TTC27: variants seen among roughly 807,000 people sequenced by gnomAD.
TTC27 encodes tetratricopeptide repeat domain 27.
Under a neutral mutation model 115.9 loss-of-function variants are expected in TTC27, and 79 were observed. The ratio of observed to expected loss-of-function variants is 0.68; its 90% CI spans 0.57 to 0.82. The LOEUF (loss-of-function observed/expected upper bound fraction) is 0.82. Ranked by LOEUF, TTC27 falls within the 40% of genes least tolerant of loss-of-function variation. TTC27 has a pLI of 0.00. For synonymous variants in TTC27, 401 were observed against 356.0 expected (o/e 1.13, Z -1.42); for missense variants, 1,054 against 993.1 (o/e 1.06, Z -0.82).
At chr2:32,714,284 G>A (rs1332893879) in intron 10 of TTC27, among the ~76,000 whole-genome samples, 4 of 150,690 alleles carry the variant, frequency 2.7e-5, no homozygotes, top group Non-Finnish European at 4.4e-5. Flanking sequence ...TCAGTCTCCC[G>A]AGTATCTGGC....
chr2:32,806,298 A>G (rs1671126267), intron 16 of TTC27, among the ~76,000 whole-genome samples: 1 of 152,186 alleles, frequency 6.6e-6, no homozygotes, highest in Non-Finnish European at 1.5e-5. Context: ...CCAAGAGGAA[A>G]TTGTACTCAT....
intron 16 of TTC27, among the ~76,000 whole-genome samples, chr2:32,806,311 G>T (rs1671126772): frequency 6.6e-6 from 1 of 152,034 alleles, no homozygotes; most frequent in South Asian, 2.1e-4. Flanking sequence ...GTACTCATGG[G>T]TGATTCATTT....
intron 9 of TTC27, among the ~76,000 whole-genome samples, chr2:32,690,016 G>A (rs954761811): frequency 1.3e-5 from 2 of 152,172 alleles, no homozygotes; most frequent in African/African-American, 4.8e-5. Flanking sequence ...GGAACTGGGT[G>A]AAGGATATAC....
intron 3 of TTC27, among the ~76,000 whole-genome samples, chr2:32,636,047 G>C (rs1386670847): frequency 6.6e-6 from 1 of 152,152 alleles, no homozygotes; most frequent in Non-Finnish European, 1.5e-5. Flanking sequence ...ATAAGCTTCA[G>C]TTATCTAGAA....
At chr2:32,641,212 A>G (rs1039051330) in intron 4 of TTC27, among the ~76,000 whole-genome samples, 1 of 152,198 alleles carries the variant, frequency 6.6e-6, no homozygotes, top group African/African-American at 2.4e-5. Flanking sequence ...AGTGAGGACA[A>G]ATATACACAC....
intron 13 of TTC27, among the ~76,000 whole-genome samples, chr2:32,773,456 CCT>C (rs1205939515): frequency 6.6e-6 from 1 of 152,194 alleles, no homozygotes; most frequent in African/African-American, 2.4e-5. Context: ...TGTTAACTGC[CCT>C]GTTTCCCCCT....
At chr2:32,784,707 T>G (rs1471664315) in intron 15 of TTC27, among the ~76,000 whole-genome samples, 1 of 152,136 alleles carries the variant, frequency 6.6e-6, no homozygotes, top group East Asian at 1.9e-4. Flanking sequence ...ATGGAACAAT[T>G]TTGAGGCTAG....
intron 10 of TTC27, among the ~76,000 whole-genome samples, chr2:32,718,403 C>T (rs1327624058): frequency 1.3e-5 from 2 of 152,010 alleles, no homozygotes; most frequent in Admixed American, 6.6e-5. Context: ...TTTATTTTGA[C>T]AATTATTTTT....
intron 16 of TTC27, among the ~76,000 whole-genome samples, chr2:32,796,072 G>T (rs564455494): frequency 2.0e-5 from 3 of 152,060 alleles, no homozygotes; most frequent in African/African-American, 7.3e-5. Flanking sequence ...AAGAGTCCAC[G>T]AAAAAGCTGT....
chr2:32,817,136 C>T (rs1671525848), intron 18 of TTC27, among the ~76,000 whole-genome samples: 3 of 151,882 alleles, frequency 2.0e-5, no homozygotes, highest in South Asian at 4.2e-4. Flanking sequence ...ATGGCTGACA[C>T]CTGTAATCTC....
chr2:32,652,016 G>T (rs1665143396), intron 5 of TTC27, among the ~76,000 whole-genome samples: 1 of 152,020 alleles, frequency 6.6e-6, no homozygotes, highest in Admixed American at 6.6e-5. Flanking sequence ...TATCCAAGGG[G>T]GATTGGTTCT....
chr2:32,650,179 C>T lies in TTC27; in HGVS notation c.586C>T (p.Leu196Phe), dbSNP rs1021156141. The T allele has an allele frequency of 2.5e-6, 4 of 1,613,768 alleles. No homozygotes were observed. The highest frequency in any genetic ancestry group is 3.4e-6 in the Non-Finnish European group (4 of 1,179,900). Residue 196 changes from leucine to phenylalanine, a missense_variant, in exon 5 of 20, where the codon CTT becomes TTT. Leu to Phe is a conservative substitution (Grantham distance 22). Transcript: ENST00000317907. ...LRCVNIHQHLLEERSPLLFTL... is the reference protein window; with the variant it reads ...LRCVNIHQHLFEERSPLLFTL... Reference sequence around the variant, plus strand: ...ATGTGTGAATATTCATCAGCATTTGCTTGAGGAACGCTCACCTCTGCTTTT... The same window carrying T: ...ATGTGTGAATATTCATCAGCATTTGTTTGAGGAACGCTCACCTCTGCTTTT...
intron 10 of TTC27, among the ~76,000 whole-genome samples, chr2:32,713,312 A>G (rs1218890547): frequency 6.6e-6 from 1 of 152,180 alleles, no homozygotes; most frequent in South Asian, 2.1e-4. Flanking sequence ...ATTCAAAGGG[A>G]CCACCTTATT....
chr2:32,805,590 C>G (rs974020273), intron 16 of TTC27, among the ~76,000 whole-genome samples: 1 of 152,142 alleles, frequency 6.6e-6, no homozygotes, highest in Non-Finnish European at 1.5e-5. Context: ...AGGGAGGTAT[C>G]AAGAGCTGAC....
chr2:32,643,834 A>G (rs1664745868), intron 4 of TTC27, among the ~76,000 whole-genome samples: 1 of 151,906 alleles, frequency 6.6e-6, no homozygotes, highest in Non-Finnish European at 1.5e-5. Flanking sequence ...CAGGAGTTCG[A>G]CACCAGTCTG....
intron 5 of TTC27, among the ~76,000 whole-genome samples, chr2:32,652,225 G>C (rs994027372): frequency 6.6e-6 from 1 of 152,082 alleles, no homozygotes; most frequent in Non-Finnish European, 1.5e-5. Flanking sequence ...ACAAAAATTA[G>C]CTGGGCATGG....
intron 8 of TTC27, among the ~76,000 whole-genome samples, chr2:32,673,225 A>T (rs1210568258): frequency 5.7e-4 from 76 of 132,436 alleles, no homozygotes; most frequent in Middle Eastern, 4.0e-3. Flanking sequence ...CACCTTATGC[A>T]TTTTTTTTTT....
chr2:32,696,576 G>A (rs1666996595), intron 9 of TTC27, among the ~76,000 whole-genome samples: 1 of 151,984 alleles, frequency 6.6e-6, no homozygotes, highest in Admixed American at 6.6e-5. Flanking sequence ...TTACAGGCAT[G>A]AGCCACCACG....
intron 12 of TTC27, among the ~76,000 whole-genome samples, chr2:32,757,212 G>C (rs191338734): frequency 5.2e-4 from 79 of 152,226 alleles, no homozygotes; most frequent in African/African-American, 1.5e-3. Context: ...AGTGATCCCA[G>C]GCTCCCCAAC....
Sources: gnomAD v4.1 joint callset for allele counts (sites outside exome capture counted in the v4.1 genomes callset) on GRCh38, gnomAD v4.1.1 for gene constraint, MANE v1.5 for transcripts, NCBI Gene and HGNC (gene_info 2026-07-23, HGNC 2026-07-21) for gene names.